Variants in ODAD2 observed in about 807,000 individuals in gnomAD.
The protein encoded by ODAD2 is outer dynein arm docking complex subunit 2.
ODAD2 carries 89 observed loss-of-function variants against 106.8 expected under a neutral mutation model. That is an observed-to-expected ratio of 0.83 (90% CI 0.70 to 0.99). The LOEUF is 0.99. ODAD2 is among the 50% of genes least tolerant of loss of function. The pLI is 0.00. For missense variants in ODAD2, 1,168 were observed against 1,238.5 expected (o/e 0.94, Z 0.85); for synonymous variants, 404 against 436.2 (o/e 0.93, Z 0.92).
At chr10:27,814,055 C>T (rs915271340) in intron 19 of ODAD2, among the ~76,000 whole-genome samples, 2 of 151,984 alleles carry the variant, frequency 1.3e-5, no homozygotes, top group Non-Finnish European at 2.9e-5. Flanking sequence ...CTTCTTGGTT[C>T]GACTAAAGAC....
At position 27,842,799 on chromosome 10, in the gene ODAD2, T is replaced by C. The variant is rs112478252; in HGVS notation, c.3021+17826A>G. Among the ~76,000 whole-genome samples the C allele has an allele frequency of 1.4e-3, 213 of 152,284 alleles. 2 individuals are homozygous for C. The highest frequency in any genetic ancestry group is 4.9e-3 in the African/African-American group (203 of 41,566). ...GAACCCTCATCTGGCATGAAATCAA[T>C]GGAGTAAAAATAATAATTTAATAAT... is the stretch of plus-strand genomic sequence containing the variant. On this transcript the variant is annotated intron_variant, in intron 19 of 19. Transcript: ENST00000305242.
intron 17 of ODAD2, among the ~76,000 whole-genome samples, chr10:27,885,864 T>C (rs1842173094): frequency 9.0e-6 from 1 of 110,660 alleles, no homozygotes; most frequent in Admixed American, 1.4e-4. Flanking sequence ...TATTTATATA[T>C]AAAAATATAT....
chr10:27,882,632 T>C (rs1044204522), intron 17 of ODAD2, among the ~76,000 whole-genome samples: 9 of 152,128 alleles, frequency 5.9e-5, no homozygotes, highest in African/African-American at 2.2e-4. Context: ...AAAGTGAGCT[T>C]TGTGGTATTT....
intron 17 of ODAD2, among the ~76,000 whole-genome samples, chr10:27,906,947 G>T (rs997294297): frequency 1.3e-5 from 2 of 152,070 alleles, no homozygotes; most frequent in Non-Finnish European, 2.9e-5. Context: ...AGCCACCATG[G>T]CATGTGTATA....
At chr10:27,924,764 T>G (rs569001673) in intron 16 of ODAD2, among the ~76,000 whole-genome samples, 1 of 151,038 alleles carries the variant, frequency 6.6e-6, no homozygotes. Flanking sequence ...AATTTGAAAG[T>G]TGAAAGGAAA....
At chr10:27,868,664 C>T (rs769606517) in intron 17 of ODAD2, among the ~76,000 whole-genome samples, 1 of 151,960 alleles carries the variant, frequency 6.6e-6, no homozygotes, top group Non-Finnish European at 1.5e-5. Context: ...GGGAATAACA[C>T]ACATTGGGGC....
intron 17 of ODAD2, among the ~76,000 whole-genome samples, chr10:27,885,579 A>AAT (rs1238529347): frequency 1.0e-3 from 63 of 60,596 alleles, no homozygotes; most frequent in African/African-American, 3.8e-3. Flanking sequence ...TATATATATA[A>AAT]ATATATAAAT....
intron 17 of ODAD2, among the ~76,000 whole-genome samples, chr10:27,907,143 C>A (rs1843657377): frequency 6.6e-6 from 1 of 152,088 alleles, no homozygotes; most frequent in Non-Finnish European, 1.5e-5. Context: ...ACAAAATTTA[C>A]AAATCAAGGG....
At chr10:27,974,562 T>C (rs1849065372) in intron 7 of ODAD2, among the ~76,000 whole-genome samples, 1 of 152,138 alleles carries the variant, frequency 6.6e-6, no homozygotes, top group Non-Finnish European at 1.5e-5. Flanking sequence ...GTTTCTGGGC[T>C]CTCTATTCTG....
At chr10:27,823,611 T>C (rs1836785076) in intron 19 of ODAD2, among the ~76,000 whole-genome samples, 1 of 152,230 alleles carries the variant, frequency 6.6e-6, no homozygotes, top group South Asian at 2.1e-4. Context: ...CCCTAAATTA[T>C]AGTTGTTATT....
intron 16 of ODAD2, among the ~76,000 whole-genome samples, chr10:27,915,606 A>G (rs1313212667): frequency 1.3e-5 from 2 of 152,130 alleles, no homozygotes; most frequent in Non-Finnish European, 2.9e-5. Context: ...GAATTATGAT[A>G]CGATTAAATT....
At chr10:27,914,879 A>G (rs961807006) in intron 16 of ODAD2, among the ~76,000 whole-genome samples, 1 of 152,074 alleles carries the variant, frequency 6.6e-6, no homozygotes, top group Admixed American at 6.6e-5. Flanking sequence ...ATCCAAACAG[A>G]AAAACAAAGA....
chr10:27,815,858 C>T (rs1163897285), intron 19 of ODAD2, among the ~76,000 whole-genome samples: 1 of 152,188 alleles, frequency 6.6e-6, no homozygotes, highest in Admixed American at 6.5e-5. Context: ...TGGAATGGAA[C>T]ACTTCATATC....
intron 16 of ODAD2, among the ~76,000 whole-genome samples, chr10:27,928,953 A>G (rs1845436005): frequency 1.3e-5 from 2 of 152,276 alleles, no homozygotes; most frequent in East Asian, 1.9e-4. Context: ...ACAATTTGCC[A>G]AAGGAAAAAT....
rs528456455 is a variant in ODAD2 at position 27,997,902 on chromosome 10, T to A, written c.-39+1092A>T. On this transcript the variant is annotated intron_variant, in intron 1 of 19. Transcript: ENST00000305242. ...ACACCTTTGAAGTAAAGAAAGTAAG[T>A]TTAAAGATTAAAAGGAAAAAAGTTT... Among the ~76,000 whole-genome samples, 3 of 152,296 alleles carry A rather than the reference T, an allele frequency of 2.0e-5. No individual in the cohort carries two copies. The East Asian group carries it at 5.8e-4, about 29-fold the overall frequency.
At chr10:27,908,686 C>T (rs1281021495) in intron 16 of ODAD2, among the ~76,000 whole-genome samples, 1 of 152,042 alleles carries the variant, frequency 6.6e-6, no homozygotes, top group Admixed American at 6.6e-5. Flanking sequence ...GCTTAAAATG[C>T]CATTCAAATT....
intron 17 of ODAD2, among the ~76,000 whole-genome samples, chr10:27,886,017 C>T (rs1033338349): frequency 6.9e-6 from 1 of 145,492 alleles, no homozygotes; most frequent in African/African-American, 2.5e-5. Context: ...AGTCAGTGAA[C>T]ATGAACACAG....
At chr10:27,981,079 C>G (rs890966882) in intron 7 of ODAD2, among the ~76,000 whole-genome samples, 1 of 152,022 alleles carries the variant, frequency 6.6e-6, no homozygotes, top group African/African-American at 2.4e-5. Context: ...CACAAAAGGA[C>G]AAATATTATA....
intron 19 of ODAD2, among the ~76,000 whole-genome samples, chr10:27,857,909 C>T (rs562505081): frequency 2.0e-5 from 3 of 152,296 alleles, no homozygotes; most frequent in East Asian, 1.9e-4. Context: ...AAGCATTTGA[C>T]GAGAAGTCGG....
Sources: allele counts gnomAD v4.1 joint callset (sites outside exome capture counted in the v4.1 genomes callset), GRCh38; gene constraint gnomAD v4.1.1; transcripts MANE v1.5; gene names NCBI Gene and HGNC (gene_info 2026-07-23, HGNC 2026-07-21).